Variants in PLCB4 observed in about 807,000 individuals in gnomAD.
PLCB4 encodes phospholipase C beta 4, also known as 1-phosphatidylinositol 4,5-bisphosphate phosphodiesterase beta-4.
Under a neutral mutation model 178.8 loss-of-function variants are expected in PLCB4, and 77 were observed. The observed-to-expected ratio is 0.43, with a 90% CI of 0.36 to 0.52. PLCB4 has a LOEUF of 0.52. Ranked by LOEUF, PLCB4 falls within the 20% of genes least tolerant of loss-of-function variation. The pLI is 0.00. For missense variants in PLCB4, 1,024 were observed against 1,453.4 expected (o/e 0.70, Z 4.80); for synonymous variants, 496 against 490.8 (o/e 1.01, Z -0.14).
Position 9,106,891 on chromosome 20 carries a change from C to T in PLCB4, c.-79+10549C>T, listed in dbSNP as rs531723230. 7.0e-4 allele frequency among the ~76,000 whole-genome samples: 107 copies of T among 152,188 alleles called. 2 individuals carry two copies. Among genetic ancestry groups the T allele is most frequent in the Admixed American group, 3.4e-3 (52 of 15,290 alleles). The stretch of plus-strand genomic sequence containing the variant: ...TTTGGTGATAGAGAAAAAGATGAAA[C>T]CTAAATATCCTCCAGTAGGGTTATT... On this transcript the variant is annotated intron_variant, in intron 2 of 39. Coordinates refer to ENST00000378473, the MANE Select transcript of PLCB4 (RefSeq NM_001377142.1).
intron 2 of PLCB4, among the ~76,000 whole-genome samples, chr20:9,179,708 C>G (rs547766694): frequency 6.6e-6 from 1 of 152,122 alleles, no homozygotes; most frequent in Non-Finnish European, 1.5e-5. Flanking sequence ...ATTTTAGCCT[C>G]TTTGAGTACA....
At chr20:9,151,991 A>C (rs181836822) in intron 2 of PLCB4, among the ~76,000 whole-genome samples, 6 of 152,170 alleles carry the variant, frequency 3.9e-5, no homozygotes, top group African/African-American at 1.4e-4. Context: ...GTTTTGGCAA[A>C]GAGAATGGCA....
intron 32 of PLCB4, among the ~76,000 whole-genome samples, chr20:9,446,600 G>A (rs1027837819): frequency 4.6e-5 from 7 of 152,074 alleles, no homozygotes. Flanking sequence ...GTCTTTAGGC[G>A]AGACATGGTG....
chr20:9,440,006 G>A (rs115541148), intron 30 of PLCB4, among the ~76,000 whole-genome samples: 3,111 of 152,332 alleles, frequency 0.02, 90 homozygotes, highest in African/African-American at 0.071. Flanking sequence ...TTATTCAAAT[G>A]TTTGGGGTTC....
chr20:9,318,325 T>G (rs1037275642), intron 4 of PLCB4, among the ~76,000 whole-genome samples: 1 of 151,390 alleles, frequency 6.6e-6, no homozygotes, highest in Non-Finnish European at 1.5e-5. Context: ...GCTGATTGGA[T>G]GGGGCAGGGA....
At chr20:9,169,038 A>G (rs182319619) in intron 2 of PLCB4, among the ~76,000 whole-genome samples, 122 of 152,184 alleles carry the variant, frequency 8.0e-4, no homozygotes, top group Admixed American at 2.7e-3. Context: ...GTCTGCCCTC[A>G]TGTCCTGCCA....
intron 3 of PLCB4, among the ~76,000 whole-genome samples, chr20:9,240,620 TTCAGTTCCC>T (rs2094049006): frequency 6.6e-6 from 1 of 152,202 alleles, no homozygotes; most frequent in Non-Finnish European, 1.5e-5. Flanking sequence ...CCATGCCCAC[TTCAGTTCCC>T]TCTGGGCATA....
intron 2 of PLCB4, among the ~76,000 whole-genome samples, chr20:9,203,737 A>C (rs1223651068): frequency 6.6e-6 from 1 of 151,568 alleles, no homozygotes; most frequent in Non-Finnish European, 1.5e-5. Flanking sequence ...TCTCACTCCC[A>C]AAACCACTCT....
chr20:9,421,585 A>G, intron 27 of PLCB4, 124 bp downstream of exon 27: 3 of 746,180 alleles, frequency 4.0e-6, no homozygotes, highest in South Asian at 1.8e-5. Flanking sequence ...TCTTCTCCTA[A>G]TGGCTAACTT....
At chr20:9,273,517 C>A (rs1402812545) in intron 3 of PLCB4, among the ~76,000 whole-genome samples, 2 of 152,070 alleles carry the variant, frequency 1.3e-5, no homozygotes, top group African/African-American at 4.8e-5. Context: ...ATGAGCCCCT[C>A]ACCCAAAGCT....
chr20:9,374,285 C>T (rs902329345), intron 12 of PLCB4, among the ~76,000 whole-genome samples: 8 of 152,096 alleles, frequency 5.3e-5, no homozygotes, highest in African/African-American at 9.7e-5. Flanking sequence ...TTATTTTACT[C>T]GAAAACATTT....
intron 28 of PLCB4, among the ~76,000 whole-genome samples, chr20:9,433,248 T>C (rs2041550131): frequency 6.6e-6 from 1 of 152,188 alleles, no homozygotes; most frequent in Non-Finnish European, 1.5e-5. Context: ...ATGTGATGCA[T>C]ATAAAGTCAC....
intron 7 of PLCB4, among the ~76,000 whole-genome samples, chr20:9,361,225 C>T (rs1035478545): frequency 6.6e-6 from 1 of 152,154 alleles, no homozygotes; most frequent in African/African-American, 2.4e-5. Flanking sequence ...TATCAATATT[C>T]ATAGCAGACA....
At chr20:9,394,741 C>T (rs1426953119) in intron 18 of PLCB4, among the ~76,000 whole-genome samples, 1 of 152,070 alleles carries the variant, frequency 6.6e-6, no homozygotes, top group Non-Finnish European at 1.5e-5. Flanking sequence ...TCAGCCAAAA[C>T]GTATATATAT....
intron 3 of PLCB4, among the ~76,000 whole-genome samples, chr20:9,247,679 A>G (rs1440093982): frequency 6.6e-6 from 1 of 152,158 alleles, no homozygotes; most frequent in Non-Finnish European, 1.5e-5. Context: ...TCCCACTTCC[A>G]AAGGGGCTTG....
intron 3 of PLCB4, among the ~76,000 whole-genome samples, chr20:9,262,626 A>T (rs887564981): frequency 2.0e-5 from 3 of 152,180 alleles, no homozygotes; most frequent in African/African-American, 7.2e-5. Context: ...CTTGTAAATG[A>T]CTTGCAGAAG....
intron 3 of PLCB4, among the ~76,000 whole-genome samples, chr20:9,287,962 G>A (rs1395109864): frequency 6.6e-6 from 1 of 152,060 alleles, no homozygotes; most frequent in Non-Finnish European, 1.5e-5. Flanking sequence ...GCACCAGTGA[G>A]ATTGGGTTTT....
intron 3 of PLCB4, among the ~76,000 whole-genome samples, chr20:9,283,218 C>T (rs1344730653): frequency 6.6e-6 from 1 of 151,976 alleles, no homozygotes; most frequent in East Asian, 1.9e-4. Context: ...ACATGCTCCT[C>T]CTTCTACCCC....
In PLCB4 at chr20:9,311,865, T is replaced by A. The variant is rs149298534; in HGVS notation, c.84+3967T>A. 9.7e-3 allele frequency among the ~76,000 whole-genome samples: 1,471 copies of A among 152,316 alleles called. 11 individuals are homozygous for A. The highest frequency in any genetic ancestry group is 0.034 in the Middle Eastern group (10 of 294). ...GAACTTTCCACAATGATAGAAATGG[T>A]CTACATTTGTGTTGCCGTTATGGCA... On this transcript the variant is annotated intron_variant, in intron 4 of 39. Transcript: ENST00000378473.
Sources: gnomAD v4.1 joint callset for allele counts (sites outside exome capture counted in the v4.1 genomes callset) on GRCh38, gnomAD v4.1.1 for gene constraint, MANE v1.5 for transcripts, NCBI Gene and HGNC (gene_info 2026-07-23, HGNC 2026-07-21) for gene names.